Variants in UBXN2A observed in about 807,000 individuals in gnomAD.
The protein encoded by UBXN2A is UBX domain-containing protein 2A.
UBXN2A carries 28 observed loss-of-function variants against 28.4 expected under a neutral mutation model. That is an observed-to-expected ratio of 0.99 (90% CI 0.73 to 1.35). UBXN2A has a LOEUF of 1.35. Among genes scored for constraint, UBXN2A ranks in the 40% most tolerant of loss-of-function variants. UBXN2A has a pLI of 0.00. For missense variants in UBXN2A, 253 were observed against 297.9 expected (o/e 0.85, Z 1.11); for synonymous variants, 97 against 103.6 (o/e 0.94, Z 0.39).
Position 23,943,455 on chromosome 2 carries a change from A to G in UBXN2A, c.-15+2807A>G, listed in dbSNP as rs566566211. On this transcript the variant is annotated intron_variant, in intron 1 of 6. Coordinates refer to ENST00000309033, the MANE Select transcript of UBXN2A (RefSeq NM_181713.4). ...TATATTCACACCTATTGGAGGAATC[A>G]TGGAAGGTTTTCTAAAGGAGATTGT... Among the ~76,000 whole-genome samples the G allele has an allele frequency of 2.6e-5, 4 of 152,248 alleles. No individual in the cohort carries two copies. In the East Asian group the frequency reaches 5.8e-4, roughly 22 times the overall value.
chr2:24,003,810 C>T lies in UBXN2A; in HGVS notation c.*3943C>T, dbSNP rs1257171864. 1 of 149,562 alleles carries T rather than the reference C, an allele frequency of 6.7e-6. No individual in the cohort carries two copies. 9.3% of individuals were successfully genotyped at this position (149,562 alleles called of 1,614,324 possible). A position where few individuals can be genotyped will look rare whatever the true frequency, so the allele number is the denominator to read the frequency against. On this transcript the variant is annotated 3_prime_UTR_variant, in exon 7 of 7. Transcript: ENST00000309033. ...GAAAATAACAGGATGACAGTTAATA[C>T]ATGTTCAGGAATCTAAGAAAATGTT...
intron 3 of UBXN2A, among the ~76,000 whole-genome samples, chr2:23,972,414 C>T (rs1005001158): frequency 3.9e-5 from 6 of 152,122 alleles, no homozygotes; most frequent in Non-Finnish European, 8.8e-5. Flanking sequence ...ACCCTCTGGT[C>T]GCAAGCATTT....
At chr2:23,934,474 T>C (rs1330852482) in intron 1 of UBXN2A, among the ~76,000 whole-genome samples, 1 of 152,162 alleles carries the variant, frequency 6.6e-6, no homozygotes, top group East Asian at 1.9e-4. Flanking sequence ...AGATGCTCAC[T>C]TGGTTTCTGT....
At chr2:23,977,408 A>C (rs1266870979) in intron 4 of UBXN2A, 1 of 180,550 alleles carries the variant, frequency 5.5e-6, no homozygotes. Flanking sequence ...TGGGAGGCTG[A>C]GATGGGGAGA....
At chr2:23,938,842 CTT>C (rs1424036037), upstream of UBXN2A, among the ~76,000 whole-genome samples, 1 of 152,200 alleles carries the variant, frequency 6.6e-6, no homozygotes, top group Non-Finnish European at 1.5e-5. Context: ...AGAATCCTCT[CTT>C]CATTAAATGG....
chr2:23,949,532 A>T (rs1432192872), intron 1 of UBXN2A, among the ~76,000 whole-genome samples: 1 of 151,810 alleles, frequency 6.6e-6, no homozygotes, highest in African/African-American at 2.4e-5. Flanking sequence ...TGGGCAACAG[A>T]GCAAGACTTC....
intron 1 of UBXN2A, among the ~76,000 whole-genome samples, chr2:23,948,254 CT>C (rs60805838): frequency 3.7e-3 from 473 of 129,150 alleles, no homozygotes; most frequent in Middle Eastern, 0.018. Flanking sequence ...TTTTCTTTTT[CT>C]TTTTTTTTTT....
chr2:23,935,308 G>T (rs1002567296), intron 1 of UBXN2A, among the ~76,000 whole-genome samples: 1 of 152,028 alleles, frequency 6.6e-6, no homozygotes, highest in Non-Finnish European at 1.5e-5. Context: ...TCAGAGGAAA[G>T]ATTTGCAAAT....
chr2:23,964,096 C>T (rs577943364), intron 2 of UBXN2A, among the ~76,000 whole-genome samples: 18 of 148,998 alleles, frequency 1.2e-4, no homozygotes, highest in South Asian at 8.4e-4. Context: ...CGTGTCACTG[C>T]GCTTCTCCAT....
intron 2 of UBXN2A, among the ~76,000 whole-genome samples, chr2:23,959,263 A>G (rs963577956): frequency 2.0e-5 from 3 of 152,030 alleles, no homozygotes; most frequent in African/African-American, 7.3e-5. Context: ...AGGCCGAGGT[A>G]GGCGGATCAC....
chr2:23,996,875 G>T (rs1708558370), intron 6 of UBXN2A: 1 of 151,998 alleles, frequency 6.6e-6, no homozygotes, highest in African/African-American at 2.4e-5. Flanking sequence ...ATCAGCACAG[G>T]AGTTTTTACT....
rs376698834 is a variant in UBXN2A at position 23,998,134 on chromosome 2, A to T, written c.585-1538A>T. The stretch of plus-strand genomic sequence containing the variant: ...GCCTATTTTAATATTTTCTAACTTA[A>T]TACATAAATATAGAATATCTCTCAA... On this transcript the variant is annotated intron_variant, in intron 6 of 6. Transcript: ENST00000309033. 2.6e-5 allele frequency among the ~76,000 whole-genome samples: 4 copies of T among 152,140 alleles called. No individual in the cohort carries two copies. The East Asian group carries it at 5.8e-4, about 22-fold the overall frequency.
chr2:23,999,656 T>C lies in UBXN2A; in HGVS notation c.585-16T>C. 1 of 1,588,568 alleles carries C rather than the reference T, an allele frequency of 6.3e-7. No individual in the cohort carries two copies. The highest frequency in any genetic ancestry group is 8.5e-7 in the Non-Finnish European group (1 of 1,173,736). On this transcript the variant is annotated splice_polypyrimidine_tract_variant and intron_variant, in intron 6 of 6. Transcript: ENST00000309033. ...ATTTTCCTAAAATTATATTAATAGT[T>C]TTTGCTGTTTTACAGAGTAAGCCAT... is the stretch of plus-strand genomic sequence containing the variant.
At position 23,971,410 on chromosome 2, in the gene UBXN2A, A is replaced by G; in HGVS notation, c.176A>G (p.Lys59Arg). 1 of 1,535,846 alleles carries G rather than the reference A, an allele frequency of 6.5e-7. No homozygotes were observed. The highest frequency in any genetic ancestry group is 8.8e-7 in the Non-Finnish European group (1 of 1,130,540). ...SKCVSPAEQK[K>R]QVDVNIKLWK... ...TGTGTGTCTCCCGCTGAACAGAAGA[A>G]ACAGGTAAATAAATGTCTATTACTT... Residue 59 changes from lysine (K) to arginine (R), a missense_variant, in exon 3 of 7, where the codon AAA (lysine) becomes AGA (arginine). Coordinates refer to ENST00000309033, the MANE Select transcript of UBXN2A (RefSeq NM_181713.4).
chr2:23,971,579 C>T (rs1270542788), intron 3 of UBXN2A, among the ~76,000 whole-genome samples, 165 bp downstream of exon 3: 1 of 152,088 alleles, frequency 6.6e-6, no homozygotes, highest in Non-Finnish European at 1.5e-5. Flanking sequence ...ACCTCAACCT[C>T]CTGGGTTCAA....
chr2:23,951,413 G>GATATATATATAT (rs57701448), intron 1 of UBXN2A, among the ~76,000 whole-genome samples: 24 of 109,890 alleles, frequency 2.2e-4, no homozygotes, highest in African/African-American at 3.3e-4. Flanking sequence ...CAGTAAGATG[G>GATATATATATAT]ATATATATAT....
intron 6 of UBXN2A, chr2:23,996,722 G>T (rs1252406172): frequency 6.7e-6 from 1 of 149,678 alleles, no homozygotes; most frequent in Admixed American, 6.7e-5. Flanking sequence ...TGATCTACCC[G>T]CCTCAGCCTC....
chr2:23,969,552 A>T (rs539653894), intron 2 of UBXN2A, among the ~76,000 whole-genome samples: 21 of 152,062 alleles, frequency 1.4e-4, no homozygotes, highest in African/African-American at 5.1e-4. Flanking sequence ...TTGTAGAGAC[A>T]GGGTTTCACC....
intron 5 of UBXN2A, among the ~76,000 whole-genome samples, chr2:23,983,750 A>C (rs2150897080): frequency 6.6e-6 from 1 of 152,072 alleles, no homozygotes; most frequent in South Asian, 2.1e-4. Context: ...ATCTTGGCTC[A>C]CTGCAACTTC....
Sources: gnomAD v4.1 joint callset for allele counts (sites outside exome capture counted in the v4.1 genomes callset) on GRCh38, gnomAD v4.1.1 for gene constraint, MANE v1.5 for transcripts, NCBI Gene and HGNC (gene_info 2026-07-23, HGNC 2026-07-21) for gene names.